Variants in SH3GL2 observed in about 807,000 individuals in gnomAD.
SH3GL2 encodes SH3 domain containing GRB2 like 2, endophilin A1, also known as endophilin-A1.
Under a neutral mutation model 46.0 loss-of-function variants are expected in SH3GL2, and 24 were observed. That is an observed-to-expected ratio of 0.52 (90% confidence interval 0.38 to 0.73). The LOEUF (loss-of-function observed/expected upper bound fraction) is 0.73. Ranked by LOEUF, SH3GL2 falls within the 30% of genes least tolerant of loss-of-function variation. The probability of loss-of-function intolerance (pLI) is 0.00; values close to 1 mark genes in which losing one functional copy is unlikely to be tolerated. For synonymous variants in SH3GL2, 196 were observed against 147.1 expected (o/e 1.33, Z -2.40); for missense variants, 413 against 424.2 (o/e 0.97, Z 0.23).
intron 1 of SH3GL2, among the ~76,000 whole-genome samples, chr9:17,712,817 G>T (rs911854424): frequency 6.6e-5 from 10 of 151,518 alleles, no homozygotes; most frequent in Admixed American, 5.3e-4. Flanking sequence ...TGGTCTATCT[G>T]TATATCCATC....
intron 1 of SH3GL2, among the ~76,000 whole-genome samples, chr9:17,644,697 A>G (rs929626175): frequency 6.6e-6 from 1 of 152,122 alleles, no homozygotes; most frequent in African/African-American, 2.4e-5. Flanking sequence ...ACTGTTTGTT[A>G]TGATTTCCAT....
intron 1 of SH3GL2, among the ~76,000 whole-genome samples, chr9:17,677,235 A>T (rs1171218887): frequency 1.3e-5 from 2 of 151,912 alleles, no homozygotes; most frequent in African/African-American, 2.4e-5. Flanking sequence ...TCTGTTCATT[A>T]TTTTCTCCTT....
At chr9:17,697,801 C>G (rs932452945) in intron 1 of SH3GL2, among the ~76,000 whole-genome samples, 2 of 152,132 alleles carry the variant, frequency 1.3e-5, no homozygotes, top group Non-Finnish European at 2.9e-5. Flanking sequence ...GATTGTAACC[C>G]TGATGATCAG....
chr9:17,716,035 C>T (rs566467165), intron 1 of SH3GL2, among the ~76,000 whole-genome samples: 1 of 152,032 alleles, frequency 6.6e-6, no homozygotes, highest in Admixed American at 6.6e-5. Context: ...TTAAGTTGAA[C>T]TATCATAAAT....
intron 1 of SH3GL2, among the ~76,000 whole-genome samples, chr9:17,685,342 C>T (rs1820875009): frequency 2.6e-5 from 4 of 152,022 alleles, no homozygotes. Context: ...CTTTTGAGGA[C>T]TTTCGGTTGA....
At position 17,761,427 on chromosome 9, in the gene SH3GL2, C is replaced by T. The variant is rs1415265538; in HGVS notation, c.115-10C>T. ...TTTTGTCATTTAGAGCACTTATTTT[C>T]TCATTTCAGAAAGTGGATGTCACCA... On this transcript the variant is annotated splice_polypyrimidine_tract_variant and intron_variant, in intron 2 of 8. Coordinates refer to ENST00000380607, the MANE Select transcript of SH3GL2 (RefSeq NM_003026.5). 3 of 1,581,274 alleles carry T rather than the reference C, an allele frequency of 1.9e-6. No individual in the cohort carries two copies. Among genetic ancestry groups the T allele is most frequent in the Non-Finnish European group, 2.6e-6 (3 of 1,150,076 alleles).
At chr9:17,681,582 C>G (rs991495142) in intron 1 of SH3GL2, among the ~76,000 whole-genome samples, 1 of 152,000 alleles carries the variant, frequency 6.6e-6, no homozygotes, top group Non-Finnish European at 1.5e-5. Flanking sequence ...AAATGTAAAA[C>G]CCCAAATCAT....
intron 5 of SH3GL2, among the ~76,000 whole-genome samples, chr9:17,789,021 G>A (rs1824045609): frequency 6.6e-6 from 1 of 152,210 alleles, no homozygotes; most frequent in Non-Finnish European, 1.5e-5. Context: ...CTTGAAGACA[G>A]GGCCTGTGGG....
chr9:17,598,089 C>T (rs1367855457), intron 1 of SH3GL2, among the ~76,000 whole-genome samples: 1 of 152,192 alleles, frequency 6.6e-6, no homozygotes, highest in Non-Finnish European at 1.5e-5. Context: ...ACGTGGAGGT[C>T]ATACCTGACA....
chr9:17,730,859 C>T (rs1426382586), intron 1 of SH3GL2, among the ~76,000 whole-genome samples: 1 of 152,052 alleles, frequency 6.6e-6, no homozygotes, highest in East Asian at 1.9e-4. Flanking sequence ...AAAATTAAAT[C>T]TCACTGAAGA....
intron 1 of SH3GL2, among the ~76,000 whole-genome samples, chr9:17,689,600 TC>T (rs1364348025): frequency 1.3e-5 from 2 of 151,724 alleles, no homozygotes; most frequent in Non-Finnish European, 2.9e-5. Context: ...TCTTAGCCCC[TC>T]CTCCTTAGCA....
chr9:17,619,266 A>T (rs1428568398), intron 1 of SH3GL2, among the ~76,000 whole-genome samples: 1 of 152,164 alleles, frequency 6.6e-6, no homozygotes, highest in Non-Finnish European at 1.5e-5. Flanking sequence ...GTGTACATGG[A>T]TGTATTTCCT....
At chr9:17,719,371 C>G (rs764662598) in intron 1 of SH3GL2, among the ~76,000 whole-genome samples, 1 of 152,080 alleles carries the variant, frequency 6.6e-6, no homozygotes, top group Admixed American at 6.5e-5. Context: ...TAATTCCAGT[C>G]AATGTTTTCA....
At chr9:17,715,848 C>G (rs969814751) in intron 1 of SH3GL2, among the ~76,000 whole-genome samples, 1 of 151,996 alleles carries the variant, frequency 6.6e-6, no homozygotes, top group Non-Finnish European at 1.5e-5. Flanking sequence ...TTACATTAGC[C>G]TGTAGATGAG....
intron 1 of SH3GL2, among the ~76,000 whole-genome samples, chr9:17,700,499 T>G (rs1268857433): frequency 5.3e-5 from 8 of 152,212 alleles, no homozygotes; most frequent in Non-Finnish European, 1.2e-4. Flanking sequence ...TGGATTCCTG[T>G]GGTTAGGTTA....
At chr9:17,694,178 T>G (rs556336236) in intron 1 of SH3GL2, among the ~76,000 whole-genome samples, 2 of 152,150 alleles carry the variant, frequency 1.3e-5, no homozygotes, top group Non-Finnish European at 2.9e-5. Flanking sequence ...TGGTAATTTA[T>G]GAAGAAAAGA....
At chr9:17,727,255 G>A (rs1263397820) in intron 1 of SH3GL2, among the ~76,000 whole-genome samples, 2 of 152,158 alleles carry the variant, frequency 1.3e-5, no homozygotes, top group African/African-American at 4.8e-5. Flanking sequence ...TTAAAATACA[G>A]CAAATAAGTT....
At chr9:17,615,075 A>G (rs886666939) in intron 1 of SH3GL2, among the ~76,000 whole-genome samples, 2 of 152,022 alleles carry the variant, frequency 1.3e-5, no homozygotes, top group Non-Finnish European at 2.9e-5. Flanking sequence ...ACTGCTGTGG[A>G]CACTTGGGCT....
At chr9:17,789,219 C>G (rs1259335734) in intron 5 of SH3GL2, among the ~76,000 whole-genome samples, 173 bp from the exon 6 acceptor site, 1 of 152,054 alleles carries the variant, frequency 6.6e-6, no homozygotes, top group Non-Finnish European at 1.5e-5. Context: ...CATATTTAGC[C>G]TTTGAAAGCA....
Sources: allele counts gnomAD v4.1 joint callset (sites outside exome capture counted in the v4.1 genomes callset), GRCh38; gene constraint gnomAD v4.1.1; transcripts MANE v1.5; gene names NCBI Gene and HGNC (gene_info 2026-07-23, HGNC 2026-07-21).